The following NPHP4 variants were observed in gnomAD, a reference collection of about 807,000 sequenced individuals.
The protein encoded by NPHP4 is nephrocystin 4.
Under a neutral mutation model 155.8 loss-of-function variants are expected in NPHP4, and 151 were observed. The observed-to-expected ratio is 0.97, with a 90% CI of 0.85 to 1.11. NPHP4 has a LOEUF of 1.11. Ranked by LOEUF, NPHP4 falls within the 50% of genes least tolerant of loss-of-function variation. The probability of loss-of-function intolerance (pLI) is 0.00; values close to 1 mark genes in which losing one functional copy is unlikely to be tolerated. For missense variants in NPHP4, 1,956 were observed against 1,925.7 expected (o/e 1.02, Z -0.29); for synonymous variants, 845 against 816.8 (o/e 1.03, Z -0.59).
At position 5,866,496 on chromosome 1, in the gene NPHP4, G is replaced by A. The variant is rs556044183; in HGVS notation, c.3559-38C>T. On this transcript the variant is annotated intron_variant, in intron 25 of 29. Transcript: ENST00000378156. Reference sequence around the variant, plus strand: ...TGTGCAGCACATCAGGGCACACAGTGCTCTGCCGACCCCAGCCTGGCCCCT... The same window carrying A: ...TGTGCAGCACATCAGGGCACACAGTACTCTGCCGACCCCAGCCTGGCCCCT... 4 of 1,285,788 alleles carry A rather than the reference G, an allele frequency of 3.1e-6. No homozygotes were observed. In the African/African-American group the frequency reaches 5.8e-5, roughly 19 times the overall value. The allele number at this position is 1,285,788 out of a possible 1,614,324, so 79.6% of individuals were successfully genotyped here.
chr1:5,890,890 C>T lies in NPHP4; in HGVS notation c.2282G>A (p.Gly761Glu), dbSNP rs1364723773. Residue 761 changes from glycine to glutamate, a missense_variant, in exon 17 of 30, where the codon GGA becomes GAA. Gly to Glu is a moderately conservative substitution (Grantham distance 98, BLOSUM62 -2). Coordinates refer to ENST00000378156, the MANE Select transcript of NPHP4 (RefSeq NM_015102.5). The surrounding 1 kb of genome is among the most constrained non-coding windows in gnomAD (Gnocchi z 4.9). Reference protein sequence around the residue: ...VWDGDSLLLIGSAAVQMKHLL... With the variant: ...VWDGDSLLLIESAAVQMKHLL... ...TACCTTCATCTGGACGGCAGCAGAT[C>T]CGATGAGCAGCAGGGAGTCTCCGTC... is the stretch of plus-strand genomic sequence containing the variant. 6.8e-6 allele frequency: 11 copies of T among 1,610,372 alleles called. No homozygotes were observed. The highest frequency in any genetic ancestry group is 4.0e-5 in the African/African-American group (3 of 74,878).
chr1:5,983,181 A>G (rs534742228), intron 2 of NPHP4, among the ~76,000 whole-genome samples: 1 of 152,220 alleles, frequency 6.6e-6, no homozygotes, highest in Non-Finnish European at 1.5e-5. Context: ...AGAAGAGTTA[A>G]AAGTCTCCAA....
chr1:5,869,418 GGGGCA>G (rs1297671949), intron 23 of NPHP4, among the ~76,000 whole-genome samples: 1 of 152,196 alleles, frequency 6.6e-6, no homozygotes, highest in Non-Finnish European at 1.5e-5. Flanking sequence ...AGGAGAGAGT[GGGGCA>G]GGGCAAGAAT....
intron 3 of NPHP4, among the ~76,000 whole-genome samples, chr1:5,972,163 G>C (rs1190161258): frequency 2.0e-5 from 3 of 152,262 alleles, no homozygotes; most frequent in Non-Finnish European, 4.4e-5. Flanking sequence ...TGGGCAGCAA[G>C]GCCAGAGAGG....
At chr1:5,932,630 T>C (rs904469889) in intron 10 of NPHP4, among the ~76,000 whole-genome samples, 3 of 150,512 alleles carry the variant, frequency 2.0e-5, no homozygotes, top group Non-Finnish European at 3.0e-5. Flanking sequence ...CCGTCTTAAT[T>C]GGGGTGCAGA....
intron 6 of NPHP4, among the ~76,000 whole-genome samples, chr1:5,955,266 CCT>C (rs1648954998): frequency 1.3e-5 from 2 of 152,184 alleles, no homozygotes; most frequent in African/African-American, 2.4e-5. Flanking sequence ...AAAGGGAACA[CCT>C]ATACAATACG....
chr1:5,897,540 A>AC, intron 16 of NPHP4, among the ~76,000 whole-genome samples: 1 of 152,296 alleles, frequency 6.6e-6, no homozygotes, highest in East Asian at 1.9e-4. Context: ...TTCAAGAACT[A>AC]CGGGGGATAA....
At chr1:5,924,849 T>A (rs1238345692) in intron 11 of NPHP4, among the ~76,000 whole-genome samples, 1 of 152,026 alleles carries the variant, frequency 6.6e-6, no homozygotes, top group East Asian at 1.9e-4. Flanking sequence ...AGAAATGGGG[T>A]CTTGCTATGT....
chr1:5,957,205 C>A (rs1258736435), intron 6 of NPHP4, among the ~76,000 whole-genome samples: 1 of 152,182 alleles, frequency 6.6e-6, no homozygotes, highest in Non-Finnish European at 1.5e-5. Flanking sequence ...AACAGCATTG[C>A]TCCTATGGAA....
chr1:5,937,023 G>C (rs1351732119), intron 9 of NPHP4, among the ~76,000 whole-genome samples: 2 of 152,224 alleles, frequency 1.3e-5, no homozygotes, highest in Non-Finnish European at 2.9e-5. Context: ...AGAACGGAGT[G>C]ATATGGCCAC....
In NPHP4 at chr1:5,961,831, C is replaced by G; in HGVS notation, c.636G>C (p.Gln212His). 1 of 1,613,468 alleles carries G rather than the reference C, an allele frequency of 6.2e-7. No homozygotes were observed. Among genetic ancestry groups the G allele is most frequent in the Non-Finnish European group, 8.5e-7 (1 of 1,179,628 alleles). ...GAGCTGGAAGCAGGCCAGGTATCTG[C>G]TGCAGACCAGACACCAGAAGGTTCT... The part of the protein sequence containing the change: ...LPENLLVSGL[Q>H]QIPGLLPAHG... Residue 212 changes from glutamine to histidine, a missense_variant, in exon 6 of 30, where the codon CAG becomes CAC. Coordinates refer to ENST00000378156, the MANE Select transcript of NPHP4 (RefSeq NM_015102.5).
At chr1:5,951,180 G>C (rs183402057) in intron 7 of NPHP4, among the ~76,000 whole-genome samples, 1 of 152,198 alleles carries the variant, frequency 6.6e-6, no homozygotes, top group African/African-American at 2.4e-5. Flanking sequence ...GAGGAGACCC[G>C]CGAGGCTCTG....
rs1648364746 is a variant in NPHP4 at position 5,952,646 on chromosome 1, G to C, written c.810+54C>G. 3 of 1,098,790 alleles carry C rather than the reference G, an allele frequency of 2.7e-6. No homozygotes were observed. In the Admixed American group the frequency reaches 7.3e-5, roughly 27 times the overall value. 68.1% of individuals were successfully genotyped at this position (1,098,790 alleles called of 1,614,324 possible). ...CCCACCTCCTCCCTGCCCTACCCGG[G>C]TCCCACCCCTGCCTGGCCCCACCCT... On this transcript the variant is annotated intron_variant, in intron 7 of 29. Transcript: ENST00000378156.
intron 11 of NPHP4, 28 bp downstream of exon 11, chr1:5,927,621 G>C (rs1557754977): frequency 6.3e-7 from 1 of 1,581,326 alleles, no homozygotes; most frequent in Non-Finnish European, 8.7e-7. Context: ...CCATGTGCCT[G>C]GCCAGTCAGC....
chr1:5,977,071 C>T (rs115886975), intron 3 of NPHP4, among the ~76,000 whole-genome samples: 1,674 of 152,272 alleles, frequency 0.011, 25 homozygotes, highest in African/African-American at 0.037. Flanking sequence ...TCTGTTGCCT[C>T]CACACTGTCC....
At chr1:5,987,819 G>T (rs933815923) in intron 1 of NPHP4, among the ~76,000 whole-genome samples, 29 of 152,120 alleles carry the variant, frequency 1.9e-4, no homozygotes, top group African/African-American at 6.5e-4. Flanking sequence ...AGACAAACAT[G>T]GGTACTTGGC....
Position 5,874,999 on chromosome 1 carries a change from C to G in NPHP4, c.2919G>C (p.Leu973=), listed in dbSNP as rs1208261533. The G allele has an allele frequency of 1.9e-6, 3 of 1,612,114 alleles. No individual in the cohort carries two copies. Among genetic ancestry groups the G allele is most frequent in the Non-Finnish European group, 2.5e-6 (3 of 1,179,888 alleles). The change falls in exon 21 of 30, where the codon CTG becomes CTC. Residue 973 remains leucine (L), a synonymous_variant. Coordinates refer to ENST00000378156, the MANE Select transcript of NPHP4 (RefSeq NM_015102.5). ...KAESIASLLS[L]AITTEHTLHA... ...GGAGCGTGTGCTCCGTGGTGATGGC[C>G]AGGCTCAGCAGGCTGGCGATGCTCT...
intron 9 of NPHP4, among the ~76,000 whole-genome samples, chr1:5,946,668 C>T (rs906225164): frequency 6.6e-6 from 1 of 152,252 alleles, no homozygotes; most frequent in Non-Finnish European, 1.5e-5. Context: ...TGGCTGGTAG[C>T]CCCTAGGTGG....
intron 6 of NPHP4, among the ~76,000 whole-genome samples, chr1:5,953,475 T>G (rs1461630751): frequency 2.0e-5 from 3 of 152,216 alleles, no homozygotes; most frequent in Non-Finnish European, 4.4e-5. Context: ...CGTGCGGCCC[T>G]GCAGCCTGCT....
Sources: gnomAD v4.1 joint callset for allele counts (sites outside exome capture counted in the v4.1 genomes callset) on GRCh38, gnomAD v4.1.1 for gene constraint, Gnocchi (gnomAD v3.1) non-coding constraint, MANE v1.5 for transcripts, NCBI Gene and HGNC (gene_info 2026-07-23, HGNC 2026-07-21) for gene names.